TECPR2: variants seen among roughly 807,000 people sequenced by gnomAD.
TECPR2 encodes the protein tectonin beta-propeller repeat containing 2.
A neutral mutation model predicts 138.1 loss-of-function variants in TECPR2; 65 were observed. The observed-to-expected ratio is 0.47, with a 90% confidence interval of 0.39 to 0.58. The LOEUF (loss-of-function observed/expected upper bound fraction) is 0.58. TECPR2 is among the 20% of genes least tolerant of loss of function. TECPR2 has a pLI of 0.00. For synonymous variants in TECPR2, 746 were observed against 749.8 expected (o/e 0.99, Z 0.08); for missense variants, 1,553 against 1,824.5 (o/e 0.85, Z 2.71).
chr14:102,413,590 G>T (rs1214070432), intron 4 of TECPR2, among the ~76,000 whole-genome samples: 1 of 151,818 alleles, frequency 6.6e-6, no homozygotes, highest in Non-Finnish European at 1.5e-5. Context: ...TGTTGGCCAG[G>T]CTGGTCTCGA....
intron 2 of TECPR2, among the ~76,000 whole-genome samples, chr14:102,397,728 C>G (rs1349303822): frequency 6.6e-6 from 1 of 151,900 alleles, no homozygotes; most frequent in African/African-American, 2.4e-5. Flanking sequence ...GCCTGGGTAA[C>G]AGAGTGAGAC....
Position 102,434,474 on chromosome 14 carries a change from T to A in TECPR2, c.1657T>A (p.Ser553Thr). The change falls in exon 9 of 20, where the codon TCA becomes ACA. Residue 553 changes from serine (S) to threonine (T), a missense_variant. Physicochemically the swap from Ser to Thr is moderately conservative, Grantham distance 58. Coordinates refer to ENST00000359520, the MANE Select transcript of TECPR2 (RefSeq NM_014844.5). ...DPETFNVLEV[S>T]GSMPDSLAEE... is the part of the protein sequence containing the mutation. ...CGAAACGTTTAATGTCCTGGAGGTG[T>A]CAGGATCAATGCCTGATTCTCTGGC... is the stretch of plus-strand genomic sequence containing the variant. 1 of 1,555,862 alleles carries A rather than the reference T, an allele frequency of 6.4e-7. No individual in the cohort carries two copies. Among genetic ancestry groups the A allele is most frequent in the East Asian group, 2.2e-5 (1 of 44,466 alleles).
At chr14:102,437,168 G>A in intron 9 of TECPR2, 1 of 985,376 alleles carries the variant, frequency 1.0e-6, no homozygotes, top group Non-Finnish European at 1.2e-6. Context: ...TTCTATGTGG[G>A]TATCTGTACA....
intron 2 of TECPR2, among the ~76,000 whole-genome samples, chr14:102,389,467 T>C (rs1473688056): frequency 6.6e-6 from 1 of 152,148 alleles, no homozygotes; most frequent in Non-Finnish European, 1.5e-5. Context: ...GCTTTAGTAA[T>C]TAAGGGAGTG....
chr14:102,464,767 A>G (rs1890508908), intron 16 of TECPR2, among the ~76,000 whole-genome samples: 1 of 152,178 alleles, frequency 6.6e-6, no homozygotes, highest in South Asian at 2.1e-4. Flanking sequence ...CATTAGTCAC[A>G]TGTCTGAGGA....
intron 16 of TECPR2, among the ~76,000 whole-genome samples, chr14:102,464,274 T>G (rs1890492600): frequency 6.6e-6 from 1 of 152,258 alleles, no homozygotes; most frequent in African/African-American, 2.4e-5. Flanking sequence ...TTAGCCAGAC[T>G]ATTATCAAAT....
chr14:102,462,588 C>A (rs1429200946), intron 16 of TECPR2, among the ~76,000 whole-genome samples: 1 of 152,180 alleles, frequency 6.6e-6, no homozygotes, highest in Non-Finnish European at 1.5e-5. Context: ...TCATCTGATA[C>A]CAGTGACAAC....
In TECPR2 at chr14:102,376,863, A is replaced by G. The variant is rs774552033; in HGVS notation, c.142A>G (p.Ile48Val). ...GGCCCTCGACACCAACGGGGACTAC[A>G]TCGCGGTGGGCAGCAGCATCGGCAT... The part of the protein sequence containing the change: ...LTALDTNGDY[I>V]AVGSSIGMLY... Residue 48 changes from isoleucine (I) to valine (V), a missense_variant, in exon 2 of 20, where the codon ATC (isoleucine) becomes GTC (valine). Ile to Val is a conservative substitution (Grantham distance 29). Transcript: ENST00000359520. The G allele has an allele frequency of 5.0e-6, 8 of 1,613,972 alleles. No individual in the cohort carries two copies. The highest frequency in any genetic ancestry group is 4.2e-6 in the Non-Finnish European group (5 of 1,180,040).
intron 1 of TECPR2, among the ~76,000 whole-genome samples, chr14:102,365,998 C>CATAG (rs1213744039): frequency 6.6e-6 from 1 of 152,172 alleles, no homozygotes; most frequent in African/African-American, 2.4e-5. Flanking sequence ...AGATTTCAAA[C>CATAG]ATAGATTCTA....
chr14:102,398,926 T>C (rs1888391740), intron 2 of TECPR2, among the ~76,000 whole-genome samples: 2 of 151,888 alleles, frequency 1.3e-5, no homozygotes, highest in South Asian at 4.2e-4. Flanking sequence ...CCTCCTCATA[T>C]ACAAGGGACC....
intron 16 of TECPR2, among the ~76,000 whole-genome samples, chr14:102,456,888 C>A (rs1053294084): frequency 6.6e-6 from 1 of 151,928 alleles, no homozygotes; most frequent in African/African-American, 2.4e-5. Context: ...CGCACCCAGC[C>A]TCCCTGTCAC....
chr14:102,397,393 A>G (rs544379584), intron 2 of TECPR2, among the ~76,000 whole-genome samples: 5 of 152,332 alleles, frequency 3.3e-5, no homozygotes, highest in South Asian at 2.1e-4. Flanking sequence ...GTGAGACCAC[A>G]TAGTAGACCT....
At chr14:102,401,961 A>G (rs1888503845) in intron 2 of TECPR2, among the ~76,000 whole-genome samples, 1 of 152,184 alleles carries the variant, frequency 6.6e-6, no homozygotes. Context: ...GCAGGAAGAA[A>G]TAGACAGTTC....
chr14:102,367,241 TG>T (rs942078411), intron 1 of TECPR2, among the ~76,000 whole-genome samples: 10 of 152,166 alleles, frequency 6.6e-5, no homozygotes, highest in African/African-American at 1.4e-4. Context: ...CTTTGTTTTT[TG>T]GGGGGTAACA....
chr14:102,414,858 G>A, intron 5 of TECPR2, 65 bp downstream of exon 5: 1 of 1,572,886 alleles, frequency 6.4e-7, no homozygotes, highest in South Asian at 1.2e-5. Context: ...GTGCTTTAGG[G>A]TTTCTTAGGT....
Position 102,442,569 on chromosome 14 carries a change from C to T in TECPR2, c.2753-1078C>T, listed in dbSNP as rs149220903. Among the ~76,000 whole-genome samples, 5 of 152,292 alleles carry T rather than the reference C, an allele frequency of 3.3e-5. No homozygotes were observed. The South Asian group carries it at 6.2e-4, about 19-fold the overall frequency. On this transcript the variant is annotated intron_variant, in intron 11 of 19. Transcript: ENST00000359520. ...GGCCTGGGGGTGAGGAGCGAGTGAC[C>T]TCTAAACCAGTAGTGCCAGAGGAAT...
rs1188504903 is a variant in TECPR2 at position 102,498,931 on chromosome 14, TCACCACATCTCACCA to T, written c.*682_*696del. ...ACACCACACCGCACTGCACCATACC[TCACCACATCTCACCA>T]CACCACAGCACACCTCACCACACAA... is the stretch of plus-strand genomic sequence containing the variant. On this transcript the variant is annotated 3_prime_UTR_variant, in exon 20 of 20. Coordinates refer to ENST00000359520, the MANE Select transcript of TECPR2 (RefSeq NM_014844.5). 4 of 682,970 alleles carry T rather than the reference TCACCACATCTCACCA, an allele frequency of 5.9e-6. No homozygotes were observed. In the East Asian group the frequency reaches 8.3e-5, roughly 14 times the overall value. The allele number at this position is 682,970 out of a possible 1,614,324, so 42.3% of individuals were successfully genotyped here.
At chr14:102,383,916 G>A (rs1376486156) in intron 2 of TECPR2, among the ~76,000 whole-genome samples, 1 of 149,496 alleles carries the variant, frequency 6.7e-6, no homozygotes, top group African/African-American at 2.5e-5. Context: ...AAGACTAGTA[G>A]TTGTTCTTTT....
chr14:102,425,214 G>C lies in TECPR2; in HGVS notation c.874G>C (p.Val292Leu). 1 of 1,613,952 alleles carries C rather than the reference G, an allele frequency of 6.2e-7. No individual in the cohort carries two copies. Among genetic ancestry groups the C allele is most frequent in the Non-Finnish European group, 8.5e-7 (1 of 1,179,882 alleles). Reference protein sequence around the residue: ...CSLPERHLGLVSCFFQEGWVL... With the variant: ...CSLPERHLGLLSCFFQEGWVL... ...CTTACCTGAGAGGCACCTGGGGCTT[G>C]TTTCATGTTTCTTTCAAGAAGGCTG... The change falls in exon 6 of 20, where the codon GTT becomes CTT. Residue 292 changes from valine (V) to leucine (L), a missense_variant. Val to Leu is a conservative substitution (Grantham distance 32). Coordinates refer to ENST00000359520, the MANE Select transcript of TECPR2 (RefSeq NM_014844.5).
Sources: allele counts gnomAD v4.1 joint callset (sites outside exome capture counted in the v4.1 genomes callset), GRCh38; gene constraint gnomAD v4.1.1; transcripts MANE v1.5; gene names NCBI Gene and HGNC (gene_info 2026-07-23, HGNC 2026-07-21).